Variants in RANBP2 observed in about 807,000 individuals in gnomAD.
RANBP2 encodes E3 SUMO-protein ligase RanBP2.
In RANBP2, 57 loss-of-function variants were observed where a neutral mutation model predicts 303.6. That is an observed-to-expected ratio of 0.19 (90% CI 0.15 to 0.23). RANBP2 has a LOEUF of 0.23. RANBP2 is among the 10% of genes least tolerant of loss of function. The pLI is 1.00. For missense variants in RANBP2, 3,138 were observed against 3,780.8 expected (o/e 0.83, Z 4.46); for synonymous variants, 1,167 against 1,301.5 (o/e 0.90, Z 2.23).
chr2:109,379,693 C>T, the RANBP2 span, among the ~76,000 whole-genome samples: 1 of 152,188 alleles, frequency 6.6e-6, no homozygotes, highest in South Asian at 2.1e-4. Flanking sequence ...ATCCCCCAGC[C>T]TTAGTGTGGA....
the RANBP2 span, among the ~76,000 whole-genome samples, chr2:109,535,190 T>C: frequency 6.6e-6 from 1 of 152,204 alleles, no homozygotes; most frequent in African/African-American, 2.4e-5. Flanking sequence ...AGGAACTACC[T>C]AGTGTGTGGA....
At chr2:108,951,734 C>T in the RANBP2 span, among the ~76,000 whole-genome samples, 193 of 152,086 alleles carry the variant, frequency 1.3e-3, 2 homozygotes, top group South Asian at 3.7e-3. Flanking sequence ...TCCATTTCTG[C>T]GAGTCCACGA....
At chr2:109,367,119 A>ATTT in the RANBP2 span, among the ~76,000 whole-genome samples, 41 of 113,302 alleles carry the variant, frequency 3.6e-4, no homozygotes, top group South Asian at 9.4e-4. Context: ...TGCCCTGGTA[A>ATTT]TTTTTTTTTT....
chr2:109,482,512 C>G, the RANBP2 span, among the ~76,000 whole-genome samples: 2 of 152,312 alleles, frequency 1.3e-5, no homozygotes, highest in African/African-American at 4.8e-5. Flanking sequence ...TCTTTTGTTT[C>G]AGGAGCTCCC....
the RANBP2 span, among the ~76,000 whole-genome samples, chr2:109,314,855 A>G: frequency 6.6e-6 from 1 of 152,238 alleles, no homozygotes; most frequent in Non-Finnish European, 1.5e-5. Context: ...CCAAAATATT[A>G]GAGGAGACCC....
chr2:109,231,114 G>C, the RANBP2 span, among the ~76,000 whole-genome samples: 2 of 152,254 alleles, frequency 1.3e-5, no homozygotes, highest in East Asian at 3.8e-4. Context: ...AGGCTTAGGT[G>C]GCTTGCCTAG....
the RANBP2 span, chr2:108,907,838 A>G: frequency 6.2e-7 from 1 of 1,613,172 alleles, no homozygotes; most frequent in African/African-American, 1.3e-5. Context: ...ACAGCTCATC[A>G]TGGCACCTGC....
At chr2:109,348,429 C>G in the RANBP2 span, among the ~76,000 whole-genome samples, 1 of 152,200 alleles carries the variant, frequency 6.6e-6, no homozygotes, top group African/African-American at 2.4e-5. Context: ...CTCTAGGGCA[C>G]CTGAGGCAGG....
chr2:109,248,084 G>A, the RANBP2 span, among the ~76,000 whole-genome samples: 1 of 152,162 alleles, frequency 6.6e-6, no homozygotes. Flanking sequence ...TGAATCAATT[G>A]GAGGCTGTTA....
chr2:109,584,122 G>A, the RANBP2 span, among the ~76,000 whole-genome samples: 37 of 152,184 alleles, frequency 2.4e-4, 2 homozygotes, highest in East Asian at 7.1e-3. Flanking sequence ...ACCTGCAAAT[G>A]TACCCCAAAT....
the RANBP2 span, among the ~76,000 whole-genome samples, chr2:109,100,023 A>G: frequency 1.6e-4 from 24 of 152,330 alleles, no homozygotes; most frequent in Non-Finnish European, 1.0e-4. Context: ...ATTTCAGTAA[A>G]ATAGATTATT....
At chr2:109,598,552 T>C in the RANBP2 span, among the ~76,000 whole-genome samples, 1 of 152,010 alleles carries the variant, frequency 6.6e-6, no homozygotes, top group East Asian at 1.9e-4. Context: ...TAAATAATTA[T>C]CATCGGGAGG....
At chr2:109,655,264 C>T in the RANBP2 span, among the ~76,000 whole-genome samples, 3 of 152,146 alleles carry the variant, frequency 2.0e-5, no homozygotes, top group East Asian at 1.9e-4. Context: ...TATGTGTCTC[C>T]GTTCCCACTG....
chr2:109,167,396 A>C, the RANBP2 span, among the ~76,000 whole-genome samples: 2 of 152,198 alleles, frequency 1.3e-5, no homozygotes, highest in African/African-American at 4.8e-5. Flanking sequence ...TTGATATAAA[A>C]GTATTGGGGA....
chr2:109,137,351 C>T, the RANBP2 span, among the ~76,000 whole-genome samples: 5 of 152,226 alleles, frequency 3.3e-5, no homozygotes, highest in African/African-American at 1.2e-4. Flanking sequence ...GTCCATCCCA[C>T]AGCTGGAGGC....
the RANBP2 span, among the ~76,000 whole-genome samples, chr2:109,242,773 C>T: frequency 6.6e-6 from 1 of 152,188 alleles, no homozygotes; most frequent in Non-Finnish European, 1.5e-5. Context: ...GTGACGTCCT[C>T]AGGCTGGGGT....
At chr2:109,125,851 C>T in the RANBP2 span, among the ~76,000 whole-genome samples, 80,155 of 152,200 alleles carry the variant, frequency 0.53, 22,012 homozygotes, top group South Asian at 0.65. Flanking sequence ...AATTCCCTCA[C>T]GCTGTAGCAC....
At chr2:109,206,629 T>G in the RANBP2 span, among the ~76,000 whole-genome samples, 1 of 150,774 alleles carries the variant, frequency 6.6e-6, no homozygotes. Context: ...GAAACATAAG[T>G]AAGACCCTGT....
the RANBP2 span, chr2:109,502,788 C>A: frequency 6.6e-6 from 1 of 152,230 alleles, no homozygotes; most frequent in Admixed American, 6.5e-5. Context: ...TTTATTGCCT[C>A]AGAGAGAACT....
Sources: allele counts gnomAD v4.1 joint callset (sites outside exome capture counted in the v4.1 genomes callset), GRCh38; gene constraint gnomAD v4.1.1; transcripts MANE v1.5; gene names NCBI Gene and HGNC (gene_info 2026-07-23, HGNC 2026-07-21).